ARSB: variants seen among roughly 807,000 people sequenced by gnomAD.
ARSB encodes the protein arylsulfatase B.
ARSB carries 41 observed loss-of-function variants against 50.9 expected under a neutral mutation model. The ratio of observed to expected loss-of-function variants is 0.81; its 90% CI spans 0.63 to 1.04. The LOEUF (loss-of-function observed/expected upper bound fraction) is 1.04, where lower values mean the gene tolerates loss of function less well. Ranked by LOEUF, ARSB falls within the 50% of genes least tolerant of loss-of-function variation. The probability of loss-of-function intolerance (pLI) is 0.00; values close to 1 mark genes in which losing one functional copy is unlikely to be tolerated. For missense variants in ARSB, 672 were observed against 693.3 expected, an observed-to-expected ratio of 0.97 and a Z score of 0.35; for synonymous variants, 269 against 284.8, an observed-to-expected ratio of 0.94 and a Z score of 0.56.
chr5:78,889,111 G>T (rs1260643872), intron 4 of ARSB, among the ~76,000 whole-genome samples: 1 of 152,158 alleles, frequency 6.6e-6, no homozygotes, highest in Non-Finnish European at 1.5e-5. Flanking sequence ...GACATTAGTT[G>T]GTTAACTATA....
intron 5 of ARSB, among the ~76,000 whole-genome samples, chr5:78,844,967 C>A (rs191262879): frequency 1.1e-3 from 165 of 152,144 alleles, no homozygotes; most frequent in Non-Finnish European, 1.9e-3. Context: ...TGCTATAGAG[C>A]ACTAGACCTT....
At chr5:78,865,243 T>C (rs940218972) in intron 5 of ARSB, among the ~76,000 whole-genome samples, 6 of 152,164 alleles carry the variant, frequency 3.9e-5, no homozygotes, top group African/African-American at 1.4e-4. Context: ...TTCTGAAATA[T>C]AGGCAGAGGT....
At chr5:78,790,668 G>C (rs1489407108) in intron 6 of ARSB, among the ~76,000 whole-genome samples, 1 of 152,110 alleles carries the variant, frequency 6.6e-6, no homozygotes, top group African/African-American at 2.4e-5. Context: ...CTATGAAACA[G>C]ATATTAACAT....
intron 6 of ARSB, chr5:78,817,163 G>A: frequency 1.0e-6 from 1 of 969,028 alleles, no homozygotes. Context: ...ATCATTAGTA[G>A]GCACAAAATA....
In ARSB at chr5:78,925,688, T is replaced by C. The variant is rs192900601; in HGVS notation, c.898+29607A>G. Among the ~76,000 whole-genome samples the C allele has an allele frequency of 4.6e-5, 7 of 152,326 alleles. No homozygotes were observed. In the East Asian group the frequency reaches 1.2e-3, roughly 25 times the overall value. The stretch of plus-strand genomic sequence containing the variant: ...TAAACAAGACACTTTACTATTCACA[T>C]AGCCATGTGATACTATGATTGCAGC... On this transcript the variant is annotated intron_variant, in intron 4 of 7. Transcript: ENST00000264914.
chr5:78,816,169 G>A (rs1486052715), intron 6 of ARSB: 6 of 1,613,874 alleles, frequency 3.7e-6, no homozygotes, highest in Middle Eastern at 1.7e-4. Flanking sequence ...TCAGGGTACG[G>A]TTGTATCAGG....
Position 78,955,443 on chromosome 5 carries a change from T to C in ARSB, c.750A>G (p.Glu250=), listed in dbSNP as rs200985327. ...GGATAAAGTCATATGGCTTCAAGTA[T>C]TCCTCAGGGACCTGAAGGGGCTCAT... The part of the protein sequence containing the change: ...SVHEPLQVPE[E]YLKPYDFIQD... The change falls in exon 4 of 8, where the codon GAA becomes GAG. Residue 250 remains glutamate (E), a synonymous_variant. Coordinates refer to ENST00000264914, the MANE Select transcript of ARSB (RefSeq NM_000046.5). 118 of 1,614,222 alleles carry C rather than the reference T, an allele frequency of 7.3e-5. 3 individuals carry two copies. The South Asian group carries it at 1.3e-3, about 17-fold the overall frequency.
intron 4 of ARSB, among the ~76,000 whole-genome samples, chr5:78,923,743 T>C (rs1749931212): frequency 6.6e-6 from 1 of 152,244 alleles, no homozygotes; most frequent in East Asian, 1.9e-4. Context: ...CATTAGCTCC[T>C]GCTTGCCCCA....
intron 4 of ARSB, among the ~76,000 whole-genome samples, chr5:78,886,388 G>A (rs767985526): frequency 1.3e-5 from 2 of 152,160 alleles, no homozygotes; most frequent in Admixed American, 6.5e-5. Flanking sequence ...TATTTCTCCA[G>A]TGGTTGATAA....
chr5:78,888,403 A>G (rs1200207298), intron 4 of ARSB, among the ~76,000 whole-genome samples: 1 of 152,238 alleles, frequency 6.6e-6, no homozygotes, highest in African/African-American at 2.4e-5. Context: ...TTCATGTGAT[A>G]CAAAAATACA....
At chr5:78,955,811 T>G (rs1751698483) in intron 3 of ARSB, among the ~76,000 whole-genome samples, 1 of 152,194 alleles carries the variant, frequency 6.6e-6, no homozygotes, top group South Asian at 2.1e-4. Context: ...ATTATTAAGA[T>G]GCAAATTAAA....
chr5:78,837,855 C>T (rs1162963062), intron 6 of ARSB, among the ~76,000 whole-genome samples: 1 of 152,164 alleles, frequency 6.6e-6, no homozygotes, highest in Non-Finnish European at 1.5e-5. Flanking sequence ...TTCTTACAGT[C>T]CTTAGGGCTC....
At chr5:78,961,617 C>T (rs1287932889) in intron 3 of ARSB, among the ~76,000 whole-genome samples, 1 of 152,154 alleles carries the variant, frequency 6.6e-6, no homozygotes, top group Non-Finnish European at 1.5e-5. Context: ...ACTCCAGTTG[C>T]TTCCTCTTAT....
intron 6 of ARSB, among the ~76,000 whole-genome samples, chr5:78,785,762 G>T (rs145809603): frequency 2.0e-5 from 3 of 152,288 alleles, no homozygotes; most frequent in African/African-American, 7.2e-5. Context: ...TGCCATAAGG[G>T]ACTCTGCAGG....
At chr5:78,941,529 A>G (rs1438721063) in intron 4 of ARSB, among the ~76,000 whole-genome samples, 3 of 152,170 alleles carry the variant, frequency 2.0e-5, no homozygotes, top group Admixed American at 6.5e-5. Context: ...TTCTGCATCT[A>G]TTGAGATAAT....
intron 1 of ARSB, among the ~76,000 whole-genome samples, chr5:78,975,974 ATTAAG>A (rs1335173950): frequency 2.0e-5 from 3 of 152,234 alleles, no homozygotes; most frequent in Non-Finnish European, 4.4e-5. Flanking sequence ...AATTAGTAAT[ATTAAG>A]TTTTCTATTT....
intron 3 of ARSB, among the ~76,000 whole-genome samples, chr5:78,960,184 T>C (rs1751918790): frequency 6.6e-6 from 1 of 152,194 alleles, no homozygotes; most frequent in South Asian, 2.1e-4. Flanking sequence ...AGCAAGACAT[T>C]ATCACCTAGA....
At chr5:78,937,388 CATATATATGTAAGAT>C (rs1320974983) in intron 4 of ARSB, among the ~76,000 whole-genome samples, 39 of 135,520 alleles carry the variant, frequency 2.9e-4, no homozygotes, top group African/African-American at 9.3e-4. Flanking sequence ...ATATATATAT[CATATATATGTAAGAT>C]ATATATATGT....
chr5:78,939,489 T>G (rs997604258), intron 4 of ARSB, among the ~76,000 whole-genome samples: 3 of 152,006 alleles, frequency 2.0e-5, no homozygotes, highest in Non-Finnish European at 2.9e-5. Flanking sequence ...GTGTCCATGT[T>G]TTCTCATTGT....
Sources: allele counts gnomAD v4.1 joint callset (sites outside exome capture counted in the v4.1 genomes callset), GRCh38; gene constraint gnomAD v4.1.1; transcripts MANE v1.5; gene names NCBI Gene and HGNC (gene_info 2026-07-23, HGNC 2026-07-21).